L1TD1: variants seen among roughly 807,000 people sequenced by gnomAD.
L1TD1 encodes LINE1 type transposase domain containing 1.
A neutral mutation model predicts 25.7 loss-of-function variants in L1TD1; 26 were observed. That is an observed-to-expected ratio of 1.01 (90% confidence interval 0.74 to 1.40). The LOEUF (loss-of-function observed/expected upper bound fraction) is 1.40. Ranked by LOEUF, L1TD1 falls within the 40% of genes most tolerant of loss-of-function variation. The pLI is 0.00. For missense variants in L1TD1, 1,130 were observed against 975.0 expected, an observed-to-expected ratio of 1.16 and a Z score of -2.12; for synonymous variants, 421 against 335.6, an observed-to-expected ratio of 1.25 and a Z score of -2.78.
rs866546661 is a variant in L1TD1 at position 62,210,944 on chromosome 1, ATAAT to A, written c.2172_2175del (p.Ile724MetfsTer8). ...TAGGGCAGAGGACATAATTAAAGAA[ATAAT>A]TGATGAAAACTTTGCAGAACTAAAG... On this transcript the variant is annotated frameshift_variant, in exon 4 of 4. Transcript: ENST00000498273. LOFTEE classifies it low-confidence loss of function (END_TRUNC). 29 of 1,545,282 alleles carry A rather than the reference ATAAT, an allele frequency of 1.9e-5. No homozygotes were observed. The highest frequency in any genetic ancestry group is 2.4e-5 in the Non-Finnish European group (27 of 1,145,682).
intron 2 of L1TD1, among the ~76,000 whole-genome samples, chr1:62,197,737 G>GC (rs2149097934): frequency 6.6e-6 from 1 of 151,558 alleles, no homozygotes; most frequent in Admixed American, 6.6e-5. Flanking sequence ...TTAGCTGGGT[G>GC]CAGTGGTGCA....
At chr1:62,208,894 G>A (rs1251665743) in intron 3 of L1TD1, among the ~76,000 whole-genome samples, 1 of 152,176 alleles carries the variant, frequency 6.6e-6, no homozygotes, top group Non-Finnish European at 1.5e-5. Flanking sequence ...ATAAGGAAAA[G>A]GTACACTTGA....
chr1:62,209,767 T>C lies in L1TD1; in HGVS notation c.1009-16T>C. ...AAACAAATAACTCTTTTTTTTCTTC[T>C]TTGTTTAACTTTCAGGATAAAACCC... On this transcript the variant is annotated splice_polypyrimidine_tract_variant and intron_variant, in intron 3 of 3. Coordinates refer to ENST00000498273, the MANE Select transcript of L1TD1 (RefSeq NM_019079.5). 6.9e-7 allele frequency: 1 copy of C among 1,456,532 alleles called. No individual in the cohort carries two copies. The highest frequency in any genetic ancestry group is 9.2e-7 in the Non-Finnish European group (1 of 1,082,132). 90.2% of individuals were successfully genotyped at this position (1,456,532 alleles called of 1,614,324 possible). A position where few individuals can be genotyped will look rare whatever the true frequency, so the allele number is the denominator to read the frequency against.
rs1455035816 is a variant in L1TD1 at position 62,207,603 on chromosome 1, A to G, written c.975A>G (p.Gln325=). Residue 325 remains glutamine (Q), a synonymous_variant, in exon 3 of 4, where the codon CAA becomes CAG. Coordinates refer to ENST00000498273, the MANE Select transcript of L1TD1 (RefSeq NM_019079.5). ...TCCCACAAAAGGAAGAAATAAATCA[A>G]GGAGGAAGAAAATATGGAATTCAAG... ...DVLPQKEEIN[Q]GGRKYGIQEK... 6.5e-7 allele frequency: 1 copy of G among 1,541,160 alleles called. No homozygotes were observed. Among genetic ancestry groups the G allele is most frequent in the East Asian group, 2.4e-5 (1 of 40,850 alleles).
chr1:62,210,830 A>C lies in L1TD1; in HGVS notation c.2056A>C (p.Ser686Arg), dbSNP rs779718860. The change falls in exon 4 of 4, where the codon AGT becomes CGT. Residue 686 changes from serine (S) to arginine (R), a missense_variant. By Grantham distance (110) the Ser-to-Arg change is moderately radical. Transcript: ENST00000498273. ...DTMQMTKQII[S>R]KERQRDIEER... is the part of the protein sequence containing the mutation. ...AATGCAAATGACCAAACAGATAATT[A>C]GTAAAGAAAGGCAAAGAGATATAGA... The C allele has an allele frequency of 3.9e-6, 6 of 1,549,246 alleles. No individual in the cohort carries two copies. The South Asian group carries it at 6.0e-5, about 16-fold the overall frequency.
In L1TD1 at chr1:62,206,776, G is replaced by A. The variant is rs781764509; in HGVS notation, c.148G>A (p.Ala50Thr). The change falls in exon 3 of 4, where the codon GCA (alanine) becomes ACA (threonine). Residue 50 changes from alanine to threonine, a missense_variant. Ala to Thr is a moderately conservative substitution (Grantham distance 58). Transcript: ENST00000498273. ...VLDLKCKDVSAIMNKFKVLME... is the reference protein window; with the variant it reads ...VLDLKCKDVSTIMNKFKVLME... ...AGATTTAAAATGCAAGGACGTATCA[G>A]CAATTATGAATAAGTTTAAGGTCTT... The A allele has an allele frequency of 1.3e-5, 20 of 1,563,926 alleles. No homozygotes were observed. In the Admixed American group the frequency reaches 2.3e-4, roughly 18 times the overall value.
chr1:62,199,238 T>G (rs1670597661), intron 2 of L1TD1, among the ~76,000 whole-genome samples: 2 of 152,118 alleles, frequency 1.3e-5, no homozygotes, highest in South Asian at 4.2e-4. Flanking sequence ...TGGCTCATGT[T>G]TGTAATCTCA....
chr1:62,211,274 A>T lies in L1TD1; in HGVS notation c.2500A>T (p.Arg834Trp), dbSNP rs1557448909. 4.3e-6 allele frequency: 7 copies of T among 1,610,514 alleles called. No individual in the cohort carries two copies. Among genetic ancestry groups the T allele is most frequent in the Non-Finnish European group, 5.9e-6 (7 of 1,178,052 alleles). Reference sequence around the variant, plus strand: ...TCCAGCCAAAATGGCATTTGATTTTAGGGGTAAAACAAAGGTATTTCTTAG... The same window carrying T: ...TCCAGCCAAAATGGCATTTGATTTTTGGGGTAAAACAAAGGTATTTCTTAG... ...LYPAKMAFDFRGKTKVFLSIE... is the reference protein window; with the variant it reads ...LYPAKMAFDFWGKTKVFLSIE... Residue 834 changes from arginine (R) to tryptophan (W), a missense_variant, in exon 4 of 4, where the codon AGG (arginine) becomes TGG (tryptophan). Arg to Trp is a moderately radical substitution (Grantham distance 101). Transcript: ENST00000498273.
chr1:62,205,437 A>ATTTTTTTTTTTTTTTTTTTTT (rs1169759217), intron 2 of L1TD1, among the ~76,000 whole-genome samples: 2 of 42,458 alleles, frequency 4.7e-5, no homozygotes, highest in Non-Finnish European at 9.2e-5. Flanking sequence ...ATATATATAT[A>ATTTTTTTTTTTTTTTTTTTTT]TATATATTTT....
rs368508146 is a variant in L1TD1 at position 62,202,099 on chromosome 1, G to A, written c.-110-4420G>A. On this transcript the variant is annotated intron_variant, in intron 2 of 3. Transcript: ENST00000498273. ...GTGGATCACCTGAGGTTGGGAGTTC[G>A]AGACCAGCCTGACCAACACGGAGAA... Among the ~76,000 whole-genome samples, 262 of 152,276 alleles carry A rather than the reference G, an allele frequency of 1.7e-3. 1 individual carries two copies. Among genetic ancestry groups the A allele is most frequent in the Middle Eastern group, 0.01 (3 of 294 alleles).
chr1:62,196,388 T>A (rs1406738695), intron 1 of L1TD1, 47 bp from the exon 2 acceptor site: 1 of 152,166 alleles, frequency 6.6e-6, no homozygotes, highest in Non-Finnish European at 1.5e-5. Context: ...TTTTCTACAT[T>A]AAATAAACCT....
chr1:62,209,637 G>C, intron 3 of L1TD1, 146 bp from the exon 4 acceptor site: 1 of 726,570 alleles, frequency 1.4e-6, no homozygotes, highest in South Asian at 2.4e-5. Flanking sequence ...AGGCCTTCAA[G>C]AACAATTAAT....
In L1TD1 at chr1:62,209,895, TAG is replaced by T. The variant is rs1557446889; in HGVS notation, c.1125_1126del (p.Glu375AspfsTer14). ...GCTAAGCCAGAGGAGATGAAAAACT[TAG>T]AGACTCAAGAGGAAGAGTTTTCCGA... On this transcript the variant is annotated frameshift_variant, in exon 4 of 4. Transcript: ENST00000498273. LOFTEE classifies it low-confidence loss of function (END_TRUNC). The T allele has an allele frequency of 2.5e-6, 4 of 1,613,960 alleles. No homozygotes were observed. The highest frequency in any genetic ancestry group is 3.4e-6 in the Non-Finnish European group (4 of 1,179,990).
Position 62,207,394 on chromosome 1 carries a change from A to G in L1TD1, c.766A>G (p.Ile256Val), listed in dbSNP as rs1670771659. Residue 256 changes from isoleucine (I) to valine (V), a missense_variant, in exon 3 of 4, where the codon ATT (isoleucine) becomes GTT (valine). By Grantham distance (29) the Ile-to-Val change is conservative (BLOSUM62 3). Coordinates refer to ENST00000498273, the MANE Select transcript of L1TD1 (RefSeq NM_019079.5). ...CGACCTTTCATCAGCAACACTGGATATTAGTAAGCAATGGAGTAATGTCTT... is the reference window on the plus strand; with the variant it reads ...CGACCTTTCATCAGCAACACTGGATGTTAGTAAGCAATGGAGTAATGTCTT... ...VADLSSATLD[I>V]SKQWSNVFNI... 1.9e-6 allele frequency: 3 copies of G among 1,551,492 alleles called. No individual in the cohort carries two copies. The highest frequency in any genetic ancestry group is 2.4e-5 in the South Asian group (2 of 84,066).
At position 62,211,615 on chromosome 1, in the gene L1TD1, C is replaced by T. The variant is rs1302199271; in HGVS notation, c.*243C>T. On this transcript the variant is annotated 3_prime_UTR_variant, in exon 4 of 4. Transcript: ENST00000498273. ...ATCACAGTCAGTTACAGATAGAATT[C>T]CTTGTTTTACTTCCCCCCCACCACC... 14 of 427,992 alleles carry T rather than the reference C, an allele frequency of 3.3e-5. No individual in the cohort carries two copies. The highest frequency in any genetic ancestry group is 5.2e-5 in the Non-Finnish European group (14 of 267,328). 26.5% of individuals were successfully genotyped at this position (427,992 alleles called of 1,614,324 possible).
In L1TD1 at chr1:62,203,768, TAGAG is replaced by T. The variant is rs1670686502; in HGVS notation, c.-110-2749_-110-2746del. 2.6e-5 allele frequency among the ~76,000 whole-genome samples: 4 copies of T among 152,306 alleles called. 1 individual carries two copies. In the South Asian group the frequency reaches 8.3e-4, roughly 32 times the overall value. ...TAATTTTTTGTTTTTATATTTTTAG[TAGAG>T]AAAGGGTTTCACCGTATTAGCCAGG... On this transcript the variant is annotated intron_variant, in intron 2 of 3. Transcript: ENST00000498273.
At chr1:62,196,042 A>G (rs1305228297) in intron 1 of L1TD1, among the ~76,000 whole-genome samples, 1 of 152,224 alleles carries the variant, frequency 6.6e-6, no homozygotes, top group Non-Finnish European at 1.5e-5. Context: ...GTCTCAAAAA[A>G]AAAAAAAAGT....
chr1:62,205,452 T>TTTTTTTTTTTTTTTTTA (rs1317584007), intron 2 of L1TD1, among the ~76,000 whole-genome samples: 2 of 125,158 alleles, frequency 1.6e-5, no homozygotes, highest in African/African-American at 3.1e-5. Flanking sequence ...TATTTTTTTT[T>TTTTTTTTTTTTTTTTTA]AGACAGTCTT....
rs747936501 is a variant in L1TD1 at position 62,207,330 on chromosome 1, A to C, written c.702A>C (p.Lys234Asn). The C allele has an allele frequency of 1.9e-6, 3 of 1,551,274 alleles. No individual in the cohort carries two copies. In the Admixed American group the frequency reaches 5.9e-5, roughly 30 times the overall value. Residue 234 changes from lysine (K) to asparagine (N), a missense_variant, in exon 3 of 4, where the codon AAA becomes AAC. By Grantham distance (94) the Lys-to-Asn change is moderately conservative. Coordinates refer to ENST00000498273, the MANE Select transcript of L1TD1 (RefSeq NM_019079.5). ...TTTTAAAAGCCTCCAGAGAAGAAAAAGTGTTGATGGATGAAGGAGCAGTAC... is the reference window on the plus strand; with the variant it reads ...TTTTAAAAGCCTCCAGAGAAGAAAACGTGTTGATGGATGAAGGAGCAGTAC... Reference protein sequence around the residue: ...EEVLKASREEKVLMDEGAVLT... With the variant: ...EEVLKASREENVLMDEGAVLT...
Sources: allele counts gnomAD v4.1 joint callset (sites outside exome capture counted in the v4.1 genomes callset), GRCh38; gene constraint gnomAD v4.1.1; transcripts MANE v1.5; gene names NCBI Gene and HGNC (gene_info 2026-07-23, HGNC 2026-07-21).